UNC13B: variants seen among roughly 807,000 people sequenced by gnomAD.
The protein encoded by UNC13B is protein unc-13 homolog B.
In UNC13B, 144 loss-of-function variants were observed where a neutral mutation model predicts 211.0. The ratio of observed to expected loss-of-function variants is 0.68; its 90% CI spans 0.60 to 0.78. UNC13B has a LOEUF of 0.78. Ranked by LOEUF, UNC13B falls within the 30% of genes least tolerant of loss-of-function variation. The probability of loss-of-function intolerance (pLI) is 0.00; values close to 1 mark genes in which losing one functional copy is unlikely to be tolerated. For synonymous variants in UNC13B, 709 were observed against 725.8 expected, an observed-to-expected ratio of 0.98 and a Z score of 0.37; for missense variants, 1,777 against 2,002.0, an observed-to-expected ratio of 0.89 and a Z score of 2.14.
At chr9:35,259,467 A>G (rs528804484) in intron 7 of UNC13B, among the ~76,000 whole-genome samples, 2 of 152,228 alleles carry the variant, frequency 1.3e-5, no homozygotes, top group African/African-American at 4.8e-5. Context: ...CATCCATCAT[A>G]TGACATATAT....
chr9:35,237,544 T>A (rs1383411621), intron 4 of UNC13B, among the ~76,000 whole-genome samples, 159 bp from the exon 5 acceptor site: 1 of 152,190 alleles, frequency 6.6e-6, no homozygotes, highest in African/African-American at 2.4e-5. Context: ...AGAAGCCACA[T>A]GCAGTGGAGG....
intron 1 of UNC13B, among the ~76,000 whole-genome samples, chr9:35,215,134 G>C (rs1017823074): frequency 3.9e-5 from 6 of 152,190 alleles, no homozygotes; most frequent in Admixed American, 3.9e-4. Context: ...ATACTTTAGT[G>C]GTGGCTCATG....
At chr9:35,394,222 C>G (rs150152195) in intron 26 of UNC13B, among the ~76,000 whole-genome samples, 1 of 152,294 alleles carries the variant, frequency 6.6e-6, no homozygotes, top group African/African-American at 2.4e-5. Flanking sequence ...TTGGTGTACT[C>G]TGTTCCACTT....
chr9:35,226,025 A>G (rs2131477935), intron 1 of UNC13B, among the ~76,000 whole-genome samples: 1 of 152,182 alleles, frequency 6.6e-6, no homozygotes, highest in South Asian at 2.1e-4. Flanking sequence ...GATGGGTGGC[A>G]CTGGTGGTAG....
intron 11 of UNC13B, chr9:35,361,461 T>G (rs529734397): frequency 6.6e-6 from 1 of 152,310 alleles, no homozygotes; most frequent in Admixed American, 6.5e-5. Flanking sequence ...GTTAAGAGAC[T>G]TATACCTTCT....
intron 1 of UNC13B, among the ~76,000 whole-genome samples, chr9:35,182,362 G>A (rs1208406284): frequency 6.6e-6 from 1 of 151,622 alleles, no homozygotes; most frequent in Non-Finnish European, 1.5e-5. Flanking sequence ...TTCATCTTTT[G>A]CTTCTGTGAC....
In UNC13B at chr9:35,217,995, G is replaced by A. The variant is rs183440157; in HGVS notation, c.23-10020G>A. Among the ~76,000 whole-genome samples the A allele has an allele frequency of 1.7e-4, 26 of 152,128 alleles. No individual in the cohort carries two copies. In the East Asian group the frequency reaches 4.1e-3, roughly 24 times the overall value. Reference sequence around the variant, plus strand: ...GCTGTGTTTGCACCACTGCACTTCAGCCTGGATGACACAGCAAAACCCTCA... The same window carrying A: ...GCTGTGTTTGCACCACTGCACTTCAACCTGGATGACACAGCAAAACCCTCA... On this transcript the variant is annotated intron_variant, in intron 1 of 39. Transcript: ENST00000635942.
At chr9:35,367,327 C>A (rs976575060) in intron 12 of UNC13B, among the ~76,000 whole-genome samples, 2 of 152,090 alleles carry the variant, frequency 1.3e-5, no homozygotes, top group East Asian at 3.9e-4. Context: ...AGAAAAATAT[C>A]TGCATTTGGA....
At chr9:35,369,839 C>T (rs1587714424) in intron 12 of UNC13B, among the ~76,000 whole-genome samples, 1 of 152,174 alleles carries the variant, frequency 6.6e-6, no homozygotes, top group East Asian at 1.9e-4. Flanking sequence ...TGGAGACGGT[C>T]TCCTTCTATG....
chr9:35,270,337 ATATG>A (rs1316976203), intron 7 of UNC13B, among the ~76,000 whole-genome samples: 1 of 98,310 alleles, frequency 1.0e-5, no homozygotes, highest in Non-Finnish European at 2.4e-5. Flanking sequence ...CTATGTATAT[ATATG>A]TGTGTGTGTG....
chr9:35,393,574 CTTTTTTTTTTTT>C (rs749007486), intron 26 of UNC13B, among the ~76,000 whole-genome samples: 1 of 118,864 alleles, frequency 8.4e-6, no homozygotes, highest in Non-Finnish European at 1.7e-5. Flanking sequence ...GACTCTCTCT[CTTTTTTTTTTTT>C]TTTTTTTTTG....
intron 7 of UNC13B, among the ~76,000 whole-genome samples, chr9:35,294,000 C>T (rs1829225942): frequency 6.6e-6 from 1 of 152,156 alleles, no homozygotes; most frequent in South Asian, 2.1e-4. Flanking sequence ...CATCTGTACC[C>T]ACAAATGTTA....
intron 11 of UNC13B, among the ~76,000 whole-genome samples, chr9:35,357,282 A>C (rs1453801640): frequency 1.3e-5 from 2 of 152,186 alleles, no homozygotes; most frequent in South Asian, 4.1e-4. Flanking sequence ...AGTGGATATG[A>C]AGTGGTGTCT....
At chr9:35,327,792 C>G (rs1456614434) in intron 11 of UNC13B, among the ~76,000 whole-genome samples, 1 of 152,162 alleles carries the variant, frequency 6.6e-6, no homozygotes, top group African/African-American at 2.4e-5. Flanking sequence ...GCATTGCAGC[C>G]ATGAAAGCAT....
intron 6 of UNC13B, among the ~76,000 whole-genome samples, chr9:35,257,580 CAAAAAAAAAAAAA>C (rs1160474466): frequency 2.7e-5 from 1 of 36,388 alleles, no homozygotes; most frequent in African/African-American, 1.6e-4. Flanking sequence ...GAATCTGTAT[CAAAAAAAAAAAAA>C]AAAAAAAAAA....
chr9:35,361,014 C>T (rs1833377752), intron 11 of UNC13B: 1 of 152,194 alleles, frequency 6.6e-6, no homozygotes, highest in Non-Finnish European at 1.5e-5. Flanking sequence ...TGAATCCTTG[C>T]AATAACCCTG....
chr9:35,191,483 C>T (rs1369176284), intron 1 of UNC13B, among the ~76,000 whole-genome samples: 1 of 152,170 alleles, frequency 6.6e-6, no homozygotes, highest in Admixed American at 6.5e-5. Flanking sequence ...ATATACTTCC[C>T]TCTTGCCTGG....
intron 7 of UNC13B, among the ~76,000 whole-genome samples, chr9:35,266,655 C>G (rs1350950389): frequency 6.6e-6 from 1 of 152,250 alleles, no homozygotes; most frequent in African/African-American, 2.4e-5. Context: ...AAACTATCTG[C>G]TTTTCCCCTT....
At chr9:35,255,031 TA>T (rs1288237639) in intron 6 of UNC13B, among the ~76,000 whole-genome samples, 17 of 119,802 alleles carry the variant, frequency 1.4e-4, no homozygotes, top group Non-Finnish European at 2.1e-4. Context: ...ATATATAATA[TA>T]ATATATATTA....
Sources: allele counts gnomAD v4.1 joint callset (sites outside exome capture counted in the v4.1 genomes callset), GRCh38; gene constraint gnomAD v4.1.1; transcripts MANE v1.5; gene names NCBI Gene and HGNC (gene_info 2026-07-23, HGNC 2026-07-21).